TTC33: variants seen among roughly 807,000 people sequenced by gnomAD.
TTC33 encodes tetratricopeptide repeat domain 33, also known as tetratricopeptide repeat protein 33.
Under a neutral mutation model 29.4 loss-of-function variants are expected in TTC33, and 24 were observed. The observed-to-expected ratio is 0.82, with a 90% CI of 0.59 to 1.15. The LOEUF (loss-of-function observed/expected upper bound fraction) is 1.15. Ranked by LOEUF, TTC33 falls within the 50% of genes most tolerant of loss-of-function variation. The pLI is 0.00. For synonymous variants in TTC33, 107 were observed against 100.3 expected (o/e 1.07, Z -0.40); for missense variants, 286 against 310.4 (o/e 0.92, Z 0.59).
At chr5:40,728,324 A>C in intron 4 of TTC33, 21 bp downstream of exon 4, 1 of 1,531,068 alleles carries the variant, frequency 6.5e-7, no homozygotes, top group Non-Finnish European at 8.8e-7. Context: ...TTTCTGCATT[A>C]TAATAATCTG....
At chr5:40,739,315 T>C (rs868092250) in intron 2 of TTC33, among the ~76,000 whole-genome samples, 2 of 152,224 alleles carry the variant, frequency 1.3e-5, no homozygotes, top group Non-Finnish European at 1.5e-5. Flanking sequence ...TCGATTGGAA[T>C]TGCACTGAGT....
intron 2 of TTC33, among the ~76,000 whole-genome samples, chr5:40,736,054 A>G (rs1288549850): frequency 6.6e-6 from 1 of 152,204 alleles, no homozygotes; most frequent in African/African-American, 2.4e-5. Flanking sequence ...GAAACAGATT[A>G]TATAAAAATG....
In TTC33 at chr5:40,711,939, G is replaced by A. The variant is rs1024478431; in HGVS notation, c.*4206C>T. On this transcript the variant is annotated 3_prime_UTR_variant, in exon 5 of 5. Transcript: ENST00000337702. Reference sequence around the variant, plus strand: ...GGTGGAGGGGAACCAACTGCAAAAGGGCTTTAGAGAACTTTTTGGGTGATG... The same window carrying A: ...GGTGGAGGGGAACCAACTGCAAAAGAGCTTTAGAGAACTTTTTGGGTGATG... Among the ~76,000 whole-genome samples the A allele has an allele frequency of 2.6e-5, 4 of 152,078 alleles. No homozygotes were observed. Among genetic ancestry groups the A allele is most frequent in the African/African-American group, 9.7e-5 (4 of 41,404 alleles).
At chr5:40,749,585 A>G (rs1435797771) in intron 1 of TTC33, among the ~76,000 whole-genome samples, 1 of 152,218 alleles carries the variant, frequency 6.6e-6, no homozygotes, top group Non-Finnish European at 1.5e-5. Flanking sequence ...AGCAGGTTTC[A>G]AGGTCTTCAT....
chr5:40,715,954 A>G lies in TTC33; in HGVS notation c.*191T>C. On this transcript the variant is annotated 3_prime_UTR_variant, in exon 5 of 5. Coordinates refer to ENST00000337702, the MANE Select transcript of TTC33 (RefSeq NM_012382.3). The stretch of plus-strand genomic sequence containing the variant: ...CAGAATTTTAACCTTGAGAAATATA[A>G]ATCATAACTTATCAAAGCATATTCC... 1 of 469,302 alleles carries G rather than the reference A, an allele frequency of 2.1e-6. No homozygotes were observed. The allele number at this position is 469,302 out of a possible 1,614,324, so 29.1% of individuals were successfully genotyped here. A position where few individuals can be genotyped will look rare whatever the true frequency, so the allele number is the denominator to read the frequency against.
chr5:40,738,092 T>C lies in TTC33; in HGVS notation c.222-7749A>G, dbSNP rs140743038. 3.6e-3 allele frequency among the ~76,000 whole-genome samples: 552 copies of C among 152,244 alleles called. 3 individuals are homozygous for C. Among genetic ancestry groups the C allele is most frequent in the Non-Finnish European group, 6.8e-3 (461 of 68,008 alleles). ...AGTATCTAGGAATAAAACTGTGAGATTGTACAATAAAGTATATATTTAACT... is the reference window on the plus strand; with the variant it reads ...AGTATCTAGGAATAAAACTGTGAGACTGTACAATAAAGTATATATTTAACT... On this transcript the variant is annotated intron_variant, in intron 2 of 4. Coordinates refer to ENST00000337702, the MANE Select transcript of TTC33 (RefSeq NM_012382.3).
At chr5:40,731,820 C>T (rs903149156) in intron 2 of TTC33, among the ~76,000 whole-genome samples, 4 of 152,176 alleles carry the variant, frequency 2.6e-5, no homozygotes, top group Non-Finnish European at 4.4e-5. Context: ...TAAAATGCTC[C>T]GTTCTTCATG....
At chr5:40,751,235 GA>G (rs144722730) in intron 1 of TTC33, among the ~76,000 whole-genome samples, 17,078 of 152,208 alleles carry the variant, frequency 0.11, 1,267 homozygotes, top group Non-Finnish European at 0.17. Flanking sequence ...ATGGGCTGAG[GA>G]AAAGATGCTG....
chr5:40,733,933 C>G, intron 2 of TTC33, among the ~76,000 whole-genome samples: 1 of 152,164 alleles, frequency 6.6e-6, no homozygotes, highest in Non-Finnish European at 1.5e-5. Flanking sequence ...TAAACACAGG[C>G]TTACAGATTT....
At chr5:40,753,439 C>T (rs547180730) in intron 1 of TTC33, among the ~76,000 whole-genome samples, 4 of 152,052 alleles carry the variant, frequency 2.6e-5, no homozygotes, top group African/African-American at 9.6e-5. Flanking sequence ...AAACTTTCCA[C>T]AGGAACTGAG....
At chr5:40,751,888 C>T (rs1431499338) in intron 1 of TTC33, among the ~76,000 whole-genome samples, 1 of 149,348 alleles carries the variant, frequency 6.7e-6, no homozygotes, top group African/African-American at 2.5e-5. Flanking sequence ...ACCCAGGAGG[C>T]GGAGGTTGCA....
At chr5:40,737,505 T>C (rs1042553899) in intron 2 of TTC33, among the ~76,000 whole-genome samples, 16 of 152,246 alleles carry the variant, frequency 1.1e-4, no homozygotes, top group African/African-American at 3.1e-4. Flanking sequence ...CATGAACACA[T>C]ATAAAGATAT....
At chr5:40,725,183 T>G (rs1423108439) in intron 4 of TTC33, among the ~76,000 whole-genome samples, 1 of 150,566 alleles carries the variant, frequency 6.6e-6, no homozygotes, top group East Asian at 1.9e-4. Context: ...ATATAGGATC[T>G]TGCCATGCTA....
chr5:40,737,328 G>T (rs1196269425), intron 2 of TTC33, among the ~76,000 whole-genome samples: 4 of 151,596 alleles, frequency 2.6e-5, no homozygotes, highest in Non-Finnish European at 4.4e-5. Flanking sequence ...GGGGACTTCT[G>T]CTACTATCCT....
intron 4 of TTC33, among the ~76,000 whole-genome samples, chr5:40,720,731 A>G (rs1742111372): frequency 6.6e-6 from 1 of 152,166 alleles, no homozygotes; most frequent in South Asian, 2.1e-4. Flanking sequence ...TGCACCCTGG[A>G]TGAATAAGAA....
chr5:40,723,697 T>C (rs1418002750), intron 4 of TTC33, among the ~76,000 whole-genome samples: 2 of 152,008 alleles, frequency 1.3e-5, no homozygotes, highest in African/African-American at 4.8e-5. Context: ...AAACCCTGTC[T>C]CTACTAAAAA....
intron 4 of TTC33, among the ~76,000 whole-genome samples, chr5:40,718,657 G>C (rs145113213): frequency 6.6e-6 from 1 of 152,090 alleles, no homozygotes; most frequent in East Asian, 1.9e-4. Context: ...AGAATCGCTT[G>C]AACCCAGGAG....
In TTC33 at chr5:40,716,232, C is replaced by T. The variant is rs377335975; in HGVS notation, c.702G>A (p.Val234=). ...TVSANKTMVI[V]SASGAIETVT... is the part of the protein sequence containing the mutation. ...CAGTCTCTATGGCCCCAGAAGCAGA[C>T]ACAATAACCATTGTTTTATTTGCTG... Residue 234 remains valine (V), a synonymous_variant, in exon 5 of 5, where the codon GTG becomes GTA. Transcript: ENST00000337702. 1.2e-6 allele frequency: 2 copies of T among 1,614,080 alleles called. No homozygotes were observed. Among genetic ancestry groups the T allele is most frequent in the African/African-American group, 1.3e-5 (1 of 74,938 alleles).
In TTC33 at chr5:40,754,235, G is replaced by A. The variant is rs140879461; in HGVS notation, c.-2+1589C>T. ...GGGGCTGCAGAGGTCAGGACAGACT[G>A]AGGTTATGAGGGTGTGGGAGGCCTG... On this transcript the variant is annotated intron_variant, in intron 1 of 4. Transcript: ENST00000337702. 3.7e-3 allele frequency among the ~76,000 whole-genome samples: 569 copies of A among 152,296 alleles called. 3 individuals are homozygous for A. Among genetic ancestry groups the A allele is most frequent in the Non-Finnish European group, 6.5e-3 (444 of 68,032 alleles).
Sources: allele counts gnomAD v4.1 joint callset (sites outside exome capture counted in the v4.1 genomes callset), GRCh38; gene constraint gnomAD v4.1.1; transcripts MANE v1.5; gene names NCBI Gene and HGNC (gene_info 2026-07-23, HGNC 2026-07-21).